Variants in PTPRZ1 observed in about 807,000 individuals in gnomAD.
The protein encoded by PTPRZ1 is receptor-type tyrosine-protein phosphatase zeta.
In PTPRZ1, 82 loss-of-function variants were observed where a neutral mutation model predicts 214.1. That is an observed-to-expected ratio of 0.38 (90% CI 0.32 to 0.46). PTPRZ1 has a LOEUF of 0.46. PTPRZ1 is among the 20% of genes least tolerant of loss of function. The probability of loss-of-function intolerance (pLI) is 1.00; values close to 1 mark genes in which losing one functional copy is unlikely to be tolerated. For synonymous variants in PTPRZ1, 945 were observed against 987.9 expected, an observed-to-expected ratio of 0.96 and a Z score of 0.81; for missense variants, 2,603 against 2,748.7, an observed-to-expected ratio of 0.95 and a Z score of 1.19.
At chr7:121,943,575 T>A (rs1004450122) in intron 2 of PTPRZ1, among the ~76,000 whole-genome samples, 21 of 152,254 alleles carry the variant, frequency 1.4e-4, no homozygotes, top group African/African-American at 4.8e-4. Flanking sequence ...CCTGACCTCG[T>A]GATCCTCCCG....
intron 1 of PTPRZ1, among the ~76,000 whole-genome samples, chr7:121,888,828 T>A (rs1794487302): frequency 6.6e-6 from 1 of 152,136 alleles, no homozygotes; most frequent in African/African-American, 2.4e-5. Context: ...GAAATAGTGA[T>A]GTTTGATAGA....
chr7:121,912,551 T>C (rs1278915570), intron 1 of PTPRZ1, among the ~76,000 whole-genome samples: 2 of 152,160 alleles, frequency 1.3e-5, no homozygotes, highest in African/African-American at 4.8e-5. Flanking sequence ...GAAATATAGA[T>C]GCTTAGTGCA....
In PTPRZ1 at chr7:122,027,511, G is replaced by A. The variant is rs551757565; in HGVS notation, c.4989-1041G>A. On this transcript the variant is annotated intron_variant, in intron 13 of 29. Coordinates refer to ENST00000393386, the MANE Select transcript of PTPRZ1 (RefSeq NM_002851.3). The stretch of plus-strand genomic sequence containing the variant: ...ACAAATGTTACATTAAAACTCATTA[G>A]GATAAATGCCTTGTAGCTTGAAGGT... Among the ~76,000 whole-genome samples the A allele has an allele frequency of 2.2e-4, 33 of 152,248 alleles. No individual in the cohort carries two copies. In the South Asian group the frequency reaches 6.4e-3, roughly 30 times the overall value.
intron 8 of PTPRZ1, among the ~76,000 whole-genome samples, chr7:121,988,467 C>T (rs1253746833): frequency 6.6e-6 from 1 of 152,130 alleles, no homozygotes. Flanking sequence ...AATTAATATG[C>T]CCTTATGCGT....
intron 8 of PTPRZ1, among the ~76,000 whole-genome samples, chr7:121,991,039 A>G (rs1435580088): frequency 6.6e-6 from 1 of 152,222 alleles, no homozygotes; most frequent in Non-Finnish European, 1.5e-5. Context: ...CTTAAAGTTC[A>G]GTAGACTTGA....
rs1029352780 is a variant in PTPRZ1, at chr7:121,983,703, C to G, written c.658C>G (p.Leu220Val). 3 of 1,613,562 alleles carry G rather than the reference C, an allele frequency of 1.9e-6. No individual in the cohort carries two copies. The African/African-American group carries it at 4.0e-5, about 22-fold the overall frequency. ...TTTAGATCCATTCATACTGTTGAAC[C>G]TTCTGCCAAACTCAACTGACAAGTA... ...AALDPFILLNLLPNSTDKYYI... is the reference protein window; with the variant it reads ...AALDPFILLNVLPNSTDKYYI... The change falls in exon 7 of 30, where the codon CTT becomes GTT. Residue 220 changes from leucine (L) to valine (V), a missense_variant. Leu to Val is a conservative substitution (Grantham distance 32). Around this residue, in one of 6 missense-constraint regions of PTPRZ1, gnomAD observed 244 missense variants for 333.2 expected, o/e 0.73. Coordinates refer to ENST00000393386, the MANE Select transcript of PTPRZ1 (RefSeq NM_002851.3).
At chr7:121,975,941 T>A (rs917230683) in intron 4 of PTPRZ1, among the ~76,000 whole-genome samples, 1 of 152,208 alleles carries the variant, frequency 6.6e-6, no homozygotes, top group African/African-American at 2.4e-5. Flanking sequence ...TATGTAATTG[T>A]TCTAATAAAT....
At chr7:121,991,843 G>A (rs973128703) in intron 8 of PTPRZ1, among the ~76,000 whole-genome samples, 1 of 152,150 alleles carries the variant, frequency 6.6e-6, no homozygotes, top group Admixed American at 6.5e-5. Flanking sequence ...TTCAGCATTT[G>A]TGTCAATGTT....
rs953661594 is a variant in PTPRZ1, at chr7:121,873,184, G to C, written c.-316G>C. ...TCAGACCGCGGCCGCCGCAGCCGGC[G>C]AAAGAGGCAAAGTCCCGCACGCCGG... is the stretch of plus-strand genomic sequence containing the variant. On this transcript the variant is annotated 5_prime_UTR_variant, in exon 1 of 30. Coordinates refer to ENST00000393386, the MANE Select transcript of PTPRZ1 (RefSeq NM_002851.3). 2.4e-6 allele frequency: 1 copy of C among 409,590 alleles called. No homozygotes were observed. The highest frequency in any genetic ancestry group is 3.5e-5 in the East Asian group (1 of 28,254). 25.4% of individuals were successfully genotyped at this position (409,590 alleles called of 1,614,324 possible). A position where few individuals can be genotyped will look rare whatever the true frequency, so the allele number is the denominator to read the frequency against.
intron 2 of PTPRZ1, among the ~76,000 whole-genome samples, chr7:121,928,488 CAT>C (rs1795830011): frequency 6.6e-6 from 1 of 152,088 alleles, no homozygotes; most frequent in Non-Finnish European, 1.5e-5. Context: ...CAAGAAATAA[CAT>C]AACCTGGGGC....
chr7:121,953,077 T>G (rs1796607428), intron 2 of PTPRZ1, among the ~76,000 whole-genome samples: 3 of 152,240 alleles, frequency 2.0e-5, no homozygotes. Flanking sequence ...TTATCTCTAA[T>G]TCTTGAAGTC....
chr7:121,972,158 C>CT lies in PTPRZ1; in HGVS notation c.305-381dup, dbSNP rs201249437. 4.5e-3 allele frequency among the ~76,000 whole-genome samples: 545 copies of CT among 119,878 alleles called. 10 individuals are homozygous for CT. Among genetic ancestry groups the CT allele is most frequent in the Admixed American group, 0.039 (485 of 12,290 alleles). 78.6% of individuals were successfully genotyped at this position (119,878 alleles called of 152,430 possible). On this transcript the variant is annotated intron_variant, in intron 3 of 29. Coordinates refer to ENST00000393386, the MANE Select transcript of PTPRZ1 (RefSeq NM_002851.3). ...AGGTGAGAGAACTCTGAGGAGAAGA[C>CT]TTATTTTTTTTTTTCTTTTAACCCT...
At chr7:121,990,080 GT>G (rs1277663245) in intron 8 of PTPRZ1, among the ~76,000 whole-genome samples, 4 of 151,752 alleles carry the variant, frequency 2.6e-5, no homozygotes, top group African/African-American at 9.7e-5. Context: ...ACCTTAACCA[GT>G]TCCTCAATTT....
intron 4 of PTPRZ1, among the ~76,000 whole-genome samples, chr7:121,974,164 T>A (rs1271668188): frequency 6.6e-6 from 1 of 152,102 alleles, no homozygotes; most frequent in Non-Finnish European, 1.5e-5. Flanking sequence ...AAGCTTTTTT[T>A]AAAAGATGGA....
rs142658747 is a variant in PTPRZ1, at chr7:122,011,920, T to C, written c.2874T>C (p.Tyr958=). ...TGCATGATTCTGTGGGTGTAACTTA[T>C]CAGGGTTCCTTATTTAGCGGCCCTA... ...IPVHDSVGVT[Y]QGSLFSGPSH... Residue 958 remains tyrosine, a synonymous_variant, in exon 12 of 30, where the codon TAT becomes TAC. Coordinates refer to ENST00000393386, the MANE Select transcript of PTPRZ1 (RefSeq NM_002851.3). 9.9e-6 allele frequency: 16 copies of C among 1,614,112 alleles called. No individual in the cohort carries two copies. The highest frequency in any genetic ancestry group is 1.7e-5 in the Admixed American group (1 of 59,998).
Position 122,012,915 on chromosome 7 carries a change from A to G in PTPRZ1, c.3869A>G (p.Asp1290Gly). ...HQVVPSLYSN[D>G]ELFQTANLEI... The stretch of plus-strand genomic sequence containing the variant: ...GTGGTACCTTCTTTGTACAGTAATG[A>G]TGAGTTGTTCCAAACGGCCAATTTG... The change falls in exon 12 of 30, where the codon GAT (aspartate) becomes GGT (glycine). Residue 1290 changes from aspartate (D) to glycine (G), a missense_variant. Around this residue, in one of 6 missense-constraint regions of PTPRZ1, gnomAD observed 1,913 missense variants for 1,914.3 expected, o/e 1.00. Coordinates refer to ENST00000393386, the MANE Select transcript of PTPRZ1 (RefSeq NM_002851.3). 2.5e-6 allele frequency: 4 copies of G among 1,614,168 alleles called. No homozygotes were observed. Among genetic ancestry groups the G allele is most frequent in the Non-Finnish European group, 3.4e-6 (4 of 1,180,008 alleles).
intron 2 of PTPRZ1, among the ~76,000 whole-genome samples, chr7:121,959,075 G>A (rs555477142): frequency 5.5e-4 from 83 of 152,144 alleles, no homozygotes; most frequent in Middle Eastern, 6.8e-3. Flanking sequence ...CGCCCGTCTC[G>A]GCCTCCCAAA....
chr7:122,014,347 A>C (rs531275307), intron 12 of PTPRZ1, among the ~76,000 whole-genome samples: 1 of 152,118 alleles, frequency 6.6e-6, no homozygotes, highest in African/African-American at 2.4e-5. Flanking sequence ...TGACATAAGC[A>C]CTTCTCTCTG....
chr7:122,061,068 T>A lies in PTPRZ1; in HGVS notation c.6808-12T>A. 6.3e-7 allele frequency: 1 copy of A among 1,576,928 alleles called. No homozygotes were observed. Among genetic ancestry groups the A allele is most frequent in the African/African-American group, 1.4e-5 (1 of 73,332 alleles). ...GCTTCGCATTTATTACCTCCCATCT[T>A]CTGTTCTCTAGGAGCAGTATCAGTT... is the stretch of plus-strand genomic sequence containing the variant. On this transcript the variant is annotated splice_polypyrimidine_tract_variant and intron_variant, in intron 29 of 29. Transcript: ENST00000393386.
Sources: allele counts gnomAD v4.1 joint callset (sites outside exome capture counted in the v4.1 genomes callset), GRCh38; gene constraint gnomAD v4.1.1; regional missense constraint gnomAD v4.1.1; transcripts MANE v1.5; gene names NCBI Gene and HGNC (gene_info 2026-07-23, HGNC 2026-07-21).